Variants in ITGB1 observed in about 807,000 individuals in gnomAD.
The protein encoded by ITGB1 is integrin beta-1.
ITGB1 carries 24 observed loss-of-function variants against 86.5 expected under a neutral mutation model. The ratio of observed to expected loss-of-function variants is 0.28; its 90% confidence interval spans 0.20 to 0.39. The LOEUF (loss-of-function observed/expected upper bound fraction) is 0.39. Ranked by LOEUF, ITGB1 falls within the 10% of genes least tolerant of loss-of-function variation. The probability of loss-of-function intolerance (pLI) is 1.00; values close to 1 mark genes in which losing one functional copy is unlikely to be tolerated. For synonymous variants in ITGB1, 323 were observed against 316.8 expected (o/e 1.02, Z -0.21); for missense variants, 556 against 946.9 (o/e 0.59, Z 5.42).
rs563891923 is a variant in ITGB1 at position 32,912,230 on chromosome 10, G to A, written c.1470-106C>T. 84 of 823,980 alleles carry A rather than the reference G, an allele frequency of 1.0e-4. 2 individuals are homozygous for A. In the South Asian group the frequency reaches 1.2e-3, roughly 12 times the overall value. 51.0% of individuals were successfully genotyped at this position (823,980 alleles called of 1,614,324 possible). ...CTAGTCTACAGCTCCCAGCGTGAGC[G>A]ACACAGAAGACAGGTGGTTTCTGCA... On this transcript the variant is annotated intron_variant, in intron 11 of 15. Coordinates refer to ENST00000302278, the MANE Select transcript of ITGB1 (RefSeq NM_002211.4).
chr10:32,908,317 A>G, intron 15 of ITGB1, 51 bp downstream of exon 15: 1 of 1,519,088 alleles, frequency 6.6e-7, no homozygotes. Context: ...TCTTAGGAGT[A>G]TTACATTTAC....
chr10:32,906,054 A>C (rs1404478369), intron 15 of ITGB1, among the ~76,000 whole-genome samples: 1 of 152,158 alleles, frequency 6.6e-6, no homozygotes, highest in South Asian at 2.1e-4. Context: ...TCACATACAC[A>C]CACAGACACA....
intron 1 of ITGB1, among the ~76,000 whole-genome samples, chr10:32,939,379 T>A (rs1230015802): frequency 6.6e-6 from 1 of 152,206 alleles, no homozygotes; most frequent in Non-Finnish European, 1.5e-5. Flanking sequence ...TACCTTCATG[T>A]GTCATTTAAC....
At position 32,926,099 on chromosome 10, in the gene ITGB1, T is replaced by A. The variant is rs2094963605; in HGVS notation, c.558A>T (p.Ser186=). The A allele has an allele frequency of 6.2e-7, 1 of 1,613,108 alleles. No individual in the cohort carries two copies. Among genetic ancestry groups the A allele is most frequent in the Non-Finnish European group, 8.5e-7 (1 of 1,179,242 alleles). The change falls in exon 6 of 16, where the codon TCA becomes TCT. Residue 186 remains serine (S), a synonymous_variant. Transcript: ENST00000302278. ...ITSDFRIGFG[S]FVEKTVMPYI... ...AAGGCATCACAGTCTTTTCCACAAA[T>A]GAGCCAAATCCTGCCAAGAAAAAAA...
chr10:32,906,847 TTC>T (rs2094897907), intron 15 of ITGB1, among the ~76,000 whole-genome samples: 1 of 152,220 alleles, frequency 6.6e-6, no homozygotes, highest in African/African-American at 2.4e-5. Context: ...GCAAAGCACA[TTC>T]TCTTTTCACT....
At position 32,901,484 on chromosome 10, in the gene ITGB1, T is replaced by C. The variant is rs1396304448; in HGVS notation, c.*86A>G. 3 of 836,520 alleles carry C rather than the reference T, an allele frequency of 3.6e-6. No individual in the cohort carries two copies. Among genetic ancestry groups the C allele is most frequent in the African/African-American group, 1.7e-5 (1 of 58,164 alleles). 51.8% of individuals were successfully genotyped at this position (836,520 alleles called of 1,614,324 possible). On this transcript the variant is annotated 3_prime_UTR_variant, in exon 16 of 16. Coordinates refer to ENST00000302278, the MANE Select transcript of ITGB1 (RefSeq NM_002211.4). ...CAAAACCTGCACATGAGTAAAACCATGGCAATATTGCCCTAAAGCTACCTA... is the reference window on the plus strand; with the variant it reads ...CAAAACCTGCACATGAGTAAAACCACGGCAATATTGCCCTAAAGCTACCTA...
At chr10:32,913,367 G>A (rs375895705) in intron 11 of ITGB1, among the ~76,000 whole-genome samples, 2 of 152,010 alleles carry the variant, frequency 1.3e-5, no homozygotes, top group African/African-American at 4.8e-5. Context: ...TAACAAACTT[G>A]TCCGAGCTAA....
rs1357083979 is a variant in ITGB1, at chr10:32,900,626, TA to T, written c.*943del. On this transcript the variant is annotated 3_prime_UTR_variant, in exon 16 of 16. Transcript: ENST00000302278. ...CCACAGTATAACTTCACATGTTCATTAAAAAGGCAAATTGACCGCTAAAACT... is the reference window on the plus strand; with the variant it reads ...CCACAGTATAACTTCACATGTTCATTAAAAGGCAAATTGACCGCTAAAACT... The T allele has an allele frequency of 2.8e-5, 4 of 145,222 alleles. No individual in the cohort carries two copies. Among genetic ancestry groups the T allele is most frequent in the Non-Finnish European group, 6.1e-5 (4 of 65,848 alleles). The allele number at this position is 145,222 out of a possible 1,614,324, so 9.0% of individuals were successfully genotyped here.
chr10:32,931,989 G>C (rs1270668858), intron 3 of ITGB1, among the ~76,000 whole-genome samples: 1 of 151,930 alleles, frequency 6.6e-6, no homozygotes, highest in Non-Finnish European at 1.5e-5. Context: ...CTTATATTGG[G>C]ATGCAAATCA....
At chr10:32,942,864 T>C (rs1369508352) in intron 1 of ITGB1, among the ~76,000 whole-genome samples, 1 of 151,780 alleles carries the variant, frequency 6.6e-6, no homozygotes, top group African/African-American at 2.4e-5. Flanking sequence ...ATCCTGGCTC[T>C]ACAAGAAAAT....
intron 15 of ITGB1, 99 bp downstream of exon 15, chr10:32,908,269 A>C (rs1316757): frequency 0.11 from 125,237 of 1,154,740 alleles, 8,218 homozygotes; most frequent in East Asian, 0.31. Context: ...AATACTTAGA[A>C]AGGACTTTAA....
intron 1 of ITGB1, among the ~76,000 whole-genome samples, chr10:32,939,231 T>C (rs1259808480): frequency 1.3e-5 from 2 of 152,206 alleles, no homozygotes; most frequent in Non-Finnish European, 2.9e-5. Flanking sequence ...AAACAGAGTA[T>C]GAGGGGATAA....
chr10:32,920,883 T>C (rs2094947287), intron 9 of ITGB1, among the ~76,000 whole-genome samples: 1 of 151,326 alleles, frequency 6.6e-6, no homozygotes, highest in African/African-American at 2.4e-5. Flanking sequence ...CTCGGGAGGC[T>C]GAGACAGAAG....
intron 1 of ITGB1, among the ~76,000 whole-genome samples, chr10:32,944,152 C>A (rs2095025648): frequency 6.6e-6 from 1 of 152,196 alleles, no homozygotes; most frequent in African/African-American, 2.4e-5. Flanking sequence ...CCCAGCAGCA[C>A]CAGCTGGAAT....
intron 9 of ITGB1, 55 bp from the exon 10 acceptor site, chr10:32,920,440 G>A: frequency 6.6e-7 from 1 of 1,518,406 alleles, no homozygotes; most frequent in Non-Finnish European, 9.1e-7. Context: ...CTACTTGAAT[G>A]CATAAAACCA....
At chr10:32,910,157 G>A (rs977043912) in intron 14 of ITGB1, 66 bp downstream of exon 14, 20 of 1,202,688 alleles carry the variant, frequency 1.7e-5, no homozygotes, top group East Asian at 2.4e-5. Context: ...TGGATGTTAG[G>A]CCTAAATAAG....
intron 1 of ITGB1, among the ~76,000 whole-genome samples, chr10:32,954,812 G>C (rs1039215524): frequency 9.2e-5 from 14 of 152,180 alleles, no homozygotes; most frequent in Admixed American, 5.9e-4. Context: ...TTCATGAGGT[G>C]ATATGCACAC....
At chr10:32,930,667 T>C (rs1208849250) in intron 3 of ITGB1, among the ~76,000 whole-genome samples, 1 of 151,968 alleles carries the variant, frequency 6.6e-6, no homozygotes, top group Non-Finnish European at 1.5e-5. Flanking sequence ...ATAGTAAGTA[T>C]ATGACAAGGG....
At chr10:32,946,477 G>T (rs901529024) in intron 1 of ITGB1, among the ~76,000 whole-genome samples, 8 of 152,108 alleles carry the variant, frequency 5.3e-5, no homozygotes, top group African/African-American at 1.9e-4. Context: ...CATCTGAGCA[G>T]CCATTTAAAT....
Sources: allele counts gnomAD v4.1 joint callset (sites outside exome capture counted in the v4.1 genomes callset), GRCh38; gene constraint gnomAD v4.1.1; transcripts MANE v1.5; gene names NCBI Gene and HGNC (gene_info 2026-07-23, HGNC 2026-07-21).